BCLAF3: variants seen among roughly 807,000 people sequenced by gnomAD.
BCLAF3 encodes the protein transient octamer binding factor 1.
In BCLAF3, 24 loss-of-function variants were observed where a neutral mutation model predicts 51.2. That is an observed-to-expected ratio of 0.47 (90% CI 0.34 to 0.66). The LOEUF (loss-of-function observed/expected upper bound fraction) is 0.66, where lower values mean the gene tolerates loss of function less well. BCLAF3 is among the 30% of genes least tolerant of loss of function. The pLI, the probability that BCLAF3 is intolerant of heterozygous loss-of-function variation, is 0.01. For missense variants in BCLAF3, 465 were observed against 525.1 expected (o/e 0.89, Z 1.12); for synonymous variants, 152 against 176.6 (o/e 0.86, Z 1.10).
At chrX:19,945,103 C>T (rs2071217785) in intron 8 of BCLAF3, among the ~76,000 whole-genome samples, 1 of 110,650 alleles carries the variant, frequency 9.0e-6, no homozygotes, top group Non-Finnish European at 1.9e-5. Context: ...ACGTAGTTCT[C>T]AAGCCTTGGT....
At chrX:19,940,197 G>C (rs764084826) in intron 8 of BCLAF3, among the ~76,000 whole-genome samples, 1 of 111,848 alleles carries the variant, frequency 8.9e-6, no homozygotes, top group Admixed American at 9.4e-5. Context: ...CCTGCAGCTA[G>C]GCATGGCCAT....
chrX:19,952,934 C>A, intron 7 of BCLAF3, 54 bp downstream of exon 7: 1 of 988,841 alleles, frequency 1.0e-6, no homozygotes. Flanking sequence ...AAGCCCCTTG[C>A]CGTTAATATA....
At chrX:19,970,624 C>T (rs947856148) in intron 1 of BCLAF3, among the ~76,000 whole-genome samples, 3 of 110,554 alleles carry the variant, frequency 2.7e-5, no homozygotes, top group Non-Finnish European at 5.7e-5. Flanking sequence ...TGAGATGTGT[C>T]GTAAGTGTAA....
rs145820346 is a variant in BCLAF3 at position 19,976,929 on chromosome X, T to C, written c.-34-6631A>G. 4.5e-5 allele frequency among the ~76,000 whole-genome samples: 5 copies of C among 112,109 alleles called. No homozygotes were observed. In the East Asian group the frequency reaches 1.4e-3, roughly 31 times the overall value. The stretch of plus-strand genomic sequence containing the variant: ...CTCATGTGTTTACTTCTTGTCTCTG[T>C]GTCATATCACATTTTGGGAATTATC... On this transcript the variant is annotated intron_variant, in intron 1 of 11. Coordinates refer to ENST00000379682, the MANE Select transcript of BCLAF3 (RefSeq NM_001367774.2).
intron 3 of BCLAF3, 32 bp downstream of exon 3, chrX:19,966,048 C>T (rs1464853111): frequency 7.1e-6 from 8 of 1,131,309 alleles, no homozygotes; most frequent in South Asian, 6.3e-5. Flanking sequence ...AGGCTTTATA[C>T]CAAATTACCC....
chrX:19,981,946 A>T (rs971390875), intron 1 of BCLAF3, among the ~76,000 whole-genome samples: 1 of 111,082 alleles, frequency 9.0e-6, no homozygotes, highest in African/African-American at 3.3e-5. Flanking sequence ...CTAAAATTAG[A>T]CTGTGGTGAT....
chrX:19,960,649 C>A (rs1045969452), intron 4 of BCLAF3, among the ~76,000 whole-genome samples: 2 of 111,679 alleles, frequency 1.8e-5, no homozygotes, highest in Non-Finnish European at 3.8e-5. Flanking sequence ...TTGCCTCCAG[C>A]GGAACAGTGT....
In BCLAF3 at chrX:19,937,460, A is replaced by G. The variant is rs1271060444; in HGVS notation, c.1818T>C (p.Phe606=). The change falls in exon 9 of 12, where the codon TTT becomes TTC. Residue 606 remains phenylalanine (F), a synonymous_variant. Coordinates refer to ENST00000379682, the MANE Select transcript of BCLAF3 (RefSeq NM_001367774.2). ...TACATTTTCTAAAATTTGATTTTAT[A>G]AAATGTGTGGGTTTTTGGAATCCAT... ...HTDGFQKPTH[F]IKSNFRKCIE... is the part of the protein sequence containing the mutation. 2.5e-6 allele frequency: 3 copies of G among 1,185,144 alleles called. No individual in the cohort carries two copies. Among genetic ancestry groups the G allele is most frequent in the Middle Eastern group, 2.4e-4 (1 of 4,246 alleles).
intron 6 of BCLAF3, 25 bp downstream of exon 6, chrX:19,953,753 G>A (rs2071572245): frequency 8.9e-7 from 1 of 1,122,853 alleles, no homozygotes; most frequent in Non-Finnish European, 1.2e-6. Context: ...AGTTAAATGG[G>A]TATAATATGG....
intron 2 of BCLAF3, among the ~76,000 whole-genome samples, chrX:19,968,227 A>G (rs1351222417): frequency 8.9e-6 from 1 of 112,860 alleles, no homozygotes; most frequent in East Asian, 2.8e-4. Flanking sequence ...GGAACAAAAA[A>G]GACTCAAGGA....
chrX:19,933,768 C>CT (rs1167586923), intron 10 of BCLAF3, among the ~76,000 whole-genome samples: 4 of 109,540 alleles, frequency 3.7e-5, no homozygotes, highest in Non-Finnish European at 7.6e-5. Context: ...AAAATATTTC[C>CT]TTTTTTTTTC....
At chrX:19,924,491 T>C (rs1193654880) in intron 11 of BCLAF3, among the ~76,000 whole-genome samples, 1 of 111,386 alleles carries the variant, frequency 9.0e-6, no homozygotes, top group Admixed American at 9.6e-5. Context: ...GGCAAGTGTA[T>C]ACTAGATTTC....
rs750873055 is a variant in BCLAF3 at position 19,929,798 on chromosome X, A to G, written c.2093T>C (p.Met698Thr). Residue 698 changes from methionine (M) to threonine (T), a missense_variant, in exon 11 of 12, where the codon ATG (methionine) becomes ACG (threonine). By Grantham distance (81) the Met-to-Thr change is moderately conservative. Coordinates refer to ENST00000379682, the MANE Select transcript of BCLAF3 (RefSeq NM_001367774.2). ...FITHKFRERL[M>T]RKKKEYTDVA... ...AATTCAACTAACCTTCTTTTTTCTC[A>G]TTAATCTTTCTCTGAACTTATGAGT... The G allele has an allele frequency of 5.0e-6, 6 of 1,194,592 alleles. No homozygotes were observed. The highest frequency in any genetic ancestry group is 5.6e-6 in the Non-Finnish European group (5 of 890,202).
At chrX:19,971,413 C>T (rs1027681297) in intron 1 of BCLAF3, among the ~76,000 whole-genome samples, 71 of 112,281 alleles carry the variant, frequency 6.3e-4, no homozygotes, top group African/African-American at 2.3e-3. Flanking sequence ...TCAACTGCTG[C>T]CTAACTTTCC....
intron 11 of BCLAF3, among the ~76,000 whole-genome samples, chrX:19,926,097 T>C (rs933163799): frequency 5.4e-5 from 6 of 111,409 alleles, no homozygotes; most frequent in Non-Finnish European, 9.4e-5. Context: ...GAAAACTCCA[T>C]GTCAAAGTGG....
chrX:19,955,205 T>C (rs922458774), intron 5 of BCLAF3, among the ~76,000 whole-genome samples, 186 bp downstream of exon 5: 2 of 112,072 alleles, frequency 1.8e-5, no homozygotes, highest in Admixed American at 9.5e-5. Context: ...TTATTGGAAC[T>C]AGATATAAAG....
At chrX:19,925,781 T>A (rs2070337256) in intron 11 of BCLAF3, among the ~76,000 whole-genome samples, 1 of 111,832 alleles carries the variant, frequency 8.9e-6, no homozygotes, top group African/African-American at 3.3e-5. Flanking sequence ...AGGCCTGAGA[T>A]AAAATGGACT....
intron 1 of BCLAF3, among the ~76,000 whole-genome samples, chrX:19,990,214 AC>A (rs2072901533): frequency 9.0e-6 from 1 of 110,661 alleles, no homozygotes; most frequent in Admixed American, 9.6e-5. Flanking sequence ...GAAAATATTT[AC>A]GGGGTAGGTT....
chrX:19,937,901 C>A (rs1197115827), intron 8 of BCLAF3, among the ~76,000 whole-genome samples: 1 of 111,895 alleles, frequency 8.9e-6, no homozygotes, highest in Non-Finnish European at 1.9e-5. Context: ...CTGCCCCCCT[C>A]CCCTTCTTGC....
Sources: allele counts gnomAD v4.1 joint callset (sites outside exome capture counted in the v4.1 genomes callset), GRCh38; gene constraint gnomAD v4.1.1; transcripts MANE v1.5; gene names NCBI Gene and HGNC (gene_info 2026-07-23, HGNC 2026-07-21).